GNB4: variants seen among roughly 807,000 people sequenced by gnomAD.
The protein encoded by GNB4 is G protein subunit beta 4.
A neutral mutation model predicts 45.2 loss-of-function variants in GNB4; 28 were observed. The ratio of observed to expected loss-of-function variants is 0.62; its 90% CI spans 0.46 to 0.85. The LOEUF (loss-of-function observed/expected upper bound fraction) is 0.85. Ranked by LOEUF, GNB4 falls within the 40% of genes least tolerant of loss-of-function variation. The pLI is 0.00. For missense variants in GNB4, 321 were observed against 425.4 expected, an observed-to-expected ratio of 0.75 and a Z score of 2.16; for synonymous variants, 132 against 143.7, an observed-to-expected ratio of 0.92 and a Z score of 0.58.
At chr3:179,404,202 A>C (rs943798220) in intron 9 of GNB4, among the ~76,000 whole-genome samples, 1 of 152,234 alleles carries the variant, frequency 6.6e-6, no homozygotes, top group Admixed American at 6.5e-5. Flanking sequence ...CTCAGCAGCA[A>C]ATGACTTTTT....
chr3:179,503,744 G>C, the GNB4 span, among the ~76,000 whole-genome samples: 3 of 152,132 alleles, frequency 2.0e-5, no homozygotes, highest in African/African-American at 7.2e-5. Flanking sequence ...CTTCATGGTG[G>C]GTTGGCTTAT....
At chr3:179,517,024 C>T in the GNB4 span, among the ~76,000 whole-genome samples, 2 of 152,124 alleles carry the variant, frequency 1.3e-5, no homozygotes, top group African/African-American at 4.8e-5. Context: ...GTGAGGAAAC[C>T]TCTTTCAGTC....
At chr3:179,480,202 A>G in the GNB4 span, among the ~76,000 whole-genome samples, 3 of 152,230 alleles carry the variant, frequency 2.0e-5, no homozygotes, top group African/African-American at 7.2e-5. Context: ...ACCAGCATCC[A>G]GAACTGTGAG....
At chr3:179,494,678 G>C in the GNB4 span, among the ~76,000 whole-genome samples, 1 of 152,008 alleles carries the variant, frequency 6.6e-6, no homozygotes, top group Non-Finnish European at 1.5e-5. Flanking sequence ...GGGAGGCCGA[G>C]GCGGGCAGAT....
At chr3:179,489,014 A>ATATAT in the GNB4 span, among the ~76,000 whole-genome samples, 1 of 52,712 alleles carries the variant, frequency 1.9e-5, no homozygotes, top group African/African-American at 1.0e-4. Context: ...AAAAAAAAAA[A>ATATAT]AAAAAATATA....
At chr3:179,526,846 A>T in the GNB4 span, among the ~76,000 whole-genome samples, 1 of 152,250 alleles carries the variant, frequency 6.6e-6, no homozygotes, top group East Asian at 1.9e-4. Flanking sequence ...GATCCTCAAT[A>T]AACAGTTCTG....
At chr3:179,488,173 C>T in the GNB4 span, among the ~76,000 whole-genome samples, 1 of 152,174 alleles carries the variant, frequency 6.6e-6, no homozygotes, top group African/African-American at 2.4e-5. Flanking sequence ...TAACCTTCTC[C>T]TGATAAGACT....
At chr3:179,484,599 TTTTTTTGCA>T in the GNB4 span, among the ~76,000 whole-genome samples, 1,331 of 152,274 alleles carry the variant, frequency 8.7e-3, 32 homozygotes, top group African/African-American at 0.031. Context: ...TGCCATTTTT[TTTTTTTGCA>T]TTTTTGTGCT....
chr3:179,406,325 G>A (rs1714469507), intron 8 of GNB4, among the ~76,000 whole-genome samples: 1 of 152,086 alleles, frequency 6.6e-6, no homozygotes, highest in East Asian at 1.9e-4. Flanking sequence ...AATGCCTTAA[G>A]TGATTATTCT....
chr3:179,505,372 A>G, the GNB4 span, among the ~76,000 whole-genome samples: 948 of 152,344 alleles, frequency 6.2e-3, 16 homozygotes, highest in African/African-American at 0.022. Context: ...GACAGATAGT[A>G]CCTCGGAATT....
At position 179,400,745 on chromosome 3, in the gene GNB4, T is replaced by C. The variant is rs933101937; in HGVS notation, c.*468A>G. Reference sequence around the variant, plus strand: ...TCTTAGATTCAAAGAGATATCAGAATTCAAGGGGACTTTCTTCAGACATAA... The same window carrying C: ...TCTTAGATTCAAAGAGATATCAGAACTCAAGGGGACTTTCTTCAGACATAA... On this transcript the variant is annotated 3_prime_UTR_variant, in exon 10 of 10. Transcript: ENST00000232564. 1 of 152,336 alleles carries C rather than the reference T, an allele frequency of 6.6e-6. No homozygotes were observed. Among genetic ancestry groups the C allele is most frequent in the African/African-American group, 2.4e-5 (1 of 41,452 alleles). 9.4% of individuals were successfully genotyped at this position (152,336 alleles called of 1,614,324 possible). A position where few individuals can be genotyped will look rare whatever the true frequency, so the allele number is the denominator to read the frequency against.
At chr3:179,526,820 T>C in the GNB4 span, among the ~76,000 whole-genome samples, 1 of 152,170 alleles carries the variant, frequency 6.6e-6, no homozygotes, top group Admixed American at 6.5e-5. Flanking sequence ...TAAATTTCAG[T>C]ATTACACACC....
intron 9 of GNB4, among the ~76,000 whole-genome samples, chr3:179,404,157 C>T (rs1366153786): frequency 1.4e-4 from 21 of 152,116 alleles, no homozygotes; most frequent in Admixed American, 1.4e-3. Context: ...TACAAAAAAG[C>T]TGCATGGCAA....
the GNB4 span, among the ~76,000 whole-genome samples, chr3:179,494,539 C>T: frequency 1.5e-5 from 2 of 129,444 alleles, no homozygotes; most frequent in Admixed American, 1.6e-4. Flanking sequence ...AACAAATGAA[C>T]AAAAGAAAGA....
the GNB4 span, among the ~76,000 whole-genome samples, chr3:179,483,993 CA>C: frequency 1.3e-5 from 2 of 152,074 alleles, no homozygotes; most frequent in South Asian, 4.1e-4. Flanking sequence ...ATCTAGAGCT[CA>C]AAAAAGGACA....
intron 1 of GNB4, among the ~76,000 whole-genome samples, chr3:179,427,605 T>TA (rs67400722): frequency 0.029 from 3,713 of 129,622 alleles, 139 homozygotes; most frequent in African/African-American, 0.087. Context: ...ACTCTGGCTT[T>TA]AAAAAAAAAA....
intron 1 of GNB4, among the ~76,000 whole-genome samples, chr3:179,427,100 T>C (rs954009120): frequency 4.6e-5 from 7 of 151,960 alleles, no homozygotes; most frequent in Admixed American, 4.6e-4. Context: ...GTCTTTGCAT[T>C]TGCTCCTGCC....
the GNB4 span, chr3:179,465,351 C>T: frequency 2.9e-6 from 3 of 1,022,032 alleles, no homozygotes; most frequent in South Asian, 4.0e-5. Context: ...CACCTGTAAT[C>T]CCAGCACTTT....
the GNB4 span, among the ~76,000 whole-genome samples, chr3:179,501,298 A>ATT: frequency 2.7e-4 from 35 of 131,200 alleles, no homozygotes; most frequent in South Asian, 7.5e-4. Flanking sequence ...AATTGCCTAC[A>ATT]TTTTTTTTTT....
Sources: allele counts gnomAD v4.1 joint callset (sites outside exome capture counted in the v4.1 genomes callset), GRCh38; gene constraint gnomAD v4.1.1; transcripts MANE v1.5; gene names NCBI Gene and HGNC (gene_info 2026-07-23, HGNC 2026-07-21).